The following SEC14L5 variants were observed in gnomAD, a reference collection of about 807,000 sequenced individuals.
SEC14L5 encodes SEC14 like lipid binding 5, also known as SEC14-like protein 5.
SEC14L5 carries 96 observed loss-of-function variants against 84.6 expected under a neutral mutation model. The observed-to-expected ratio is 1.13, with a 90% CI of 0.96 to 1.34. The LOEUF (loss-of-function observed/expected upper bound fraction) is 1.34. SEC14L5 is among the 40% of genes most tolerant of loss of function. The pLI is 0.00. For synonymous variants in SEC14L5, 546 were observed against 383.4 expected, an observed-to-expected ratio of 1.42 and a Z score of -4.95; for missense variants, 1,224 against 942.5, an observed-to-expected ratio of 1.30 and a Z score of -3.91.
At chr16:4,994,491 G>A (rs1004866648) in intron 6 of SEC14L5, among the ~76,000 whole-genome samples, 1 of 152,092 alleles carries the variant, frequency 6.6e-6, no homozygotes, top group African/African-American at 2.4e-5. Context: ...CTACAGGCGT[G>A]CACCATCATT....
intron 12 of SEC14L5, 120 bp from the exon 13 acceptor site, chr16:5,007,232 C>T (rs1320462568): frequency 3.8e-6 from 3 of 785,000 alleles, no homozygotes; most frequent in African/African-American, 3.5e-5. Context: ...AGCCCACAGC[C>T]CATTCAGTAA....
Position 4,996,369 on chromosome 16 carries a change from A to C in SEC14L5, c.689A>C (p.Tyr230Ser), listed in dbSNP as rs1955608587. The C allele has an allele frequency of 6.4e-7, 1 of 1,561,638 alleles. No homozygotes were observed. Among genetic ancestry groups the C allele is most frequent in the Admixed American group, 1.9e-5 (1 of 52,226 alleles). The change falls in exon 7 of 16, where the codon TAC becomes TCC. Residue 230 changes from tyrosine to serine, a missense_variant. Coordinates refer to ENST00000251170, the MANE Select transcript of SEC14L5 (RefSeq NM_014692.2). ...CAAGGGGACAAGCTGGATGCGGACT[A>C]CATTGAGAGGTGCCTGGGCCACCTC... Reference protein sequence around the residue: ...SMDGDKLDADYIERCLGHLTP... With the variant: ...SMDGDKLDADSIERCLGHLTP...
At chr16:4,987,522 C>G (rs80095370) in intron 2 of SEC14L5, 35 bp from the exon 3 acceptor site, 118,994 of 1,498,264 alleles carry the variant, frequency 0.079, 11,622 homozygotes, top group East Asian at 0.52. Flanking sequence ...CTCTGCCCCC[C>G]CCACCACGGC....
intron 11 of SEC14L5, among the ~76,000 whole-genome samples, chr16:5,004,986 C>T (rs923985565): frequency 6.6e-6 from 1 of 152,176 alleles, no homozygotes; most frequent in Non-Finnish European, 1.5e-5. Context: ...ACACGGAAGT[C>T]CATGTACTGT....
At chr16:4,967,646 C>T (rs1394034932) in intron 2 of SEC14L5, among the ~76,000 whole-genome samples, 1 of 127,914 alleles carries the variant, frequency 7.8e-6, no homozygotes, top group Non-Finnish European at 1.6e-5. Context: ...AATCTTGGCT[C>T]ATTGAAACTT....
chr16:4,997,709 C>T (rs1955627119), intron 8 of SEC14L5, among the ~76,000 whole-genome samples: 1 of 152,160 alleles, frequency 6.6e-6, no homozygotes, highest in Non-Finnish European at 1.5e-5. Context: ...TTCTCGAGGC[C>T]AGAAGTCTGG....
At position 5,008,526 on chromosome 16, in the gene SEC14L5, C is replaced by T. The variant is rs374590239; in HGVS notation, c.1678C>T (p.Leu560=). The change falls in exon 14 of 16, where the codon CTG becomes TTG. Residue 560 remains leucine, a synonymous_variant. Transcript: ENST00000251170. ...SLYHTKQAPR[L]GAREPGTRAS... is the part of the protein sequence containing the mutation. ...GTACCACACCAAGCAGGCGCCCAGG[C>T]TGGGCGCCCGGGAACCGGGGACCAG... 4 of 1,609,146 alleles carry T rather than the reference C, an allele frequency of 2.5e-6. No individual in the cohort carries two copies. In the African/African-American group the frequency reaches 4.0e-5, roughly 16 times the overall value.
intron 5 of SEC14L5, 72 bp from the exon 6 acceptor site, chr16:4,991,766 C>A: frequency 9.5e-7 from 1 of 1,056,526 alleles, no homozygotes; most frequent in Non-Finnish European, 1.4e-6. Context: ...GGGGGTGACT[C>A]CCTGTGGTGA....
At chr16:4,981,200 T>G (rs901248449) in intron 2 of SEC14L5, among the ~76,000 whole-genome samples, 2 of 150,650 alleles carry the variant, frequency 1.3e-5, no homozygotes, top group African/African-American at 2.4e-5. Context: ...CACTGCAATC[T>G]CTGCCTCCCT....
intron 8 of SEC14L5, 60 bp from the exon 9 acceptor site, chr16:5,000,595 C>G (rs1955663901): frequency 1.5e-6 from 2 of 1,306,852 alleles, no homozygotes; most frequent in Admixed American, 2.0e-5. Context: ...TGTGACCTGC[C>G]CCTCGGAAGC....
chr16:4,970,410 C>G (rs926464454), intron 2 of SEC14L5, among the ~76,000 whole-genome samples: 1 of 152,134 alleles, frequency 6.6e-6, no homozygotes, highest in African/African-American at 2.4e-5. Context: ...TAATGGGACC[C>G]CAGTGCAAGT....
chr16:4,988,175 C>T lies in SEC14L5; in HGVS notation c.240C>T (p.Phe80=). The T allele has an allele frequency of 6.2e-7, 1 of 1,606,352 alleles. No homozygotes were observed. ...RKIAGVEHVV[F]VQTNILNWKE... ...TCGCAGGTGTTGAGCACGTGGTCTTCGTGCAGACAAACATCTTGAACTGGA... is the reference window on the plus strand; with the variant it reads ...TCGCAGGTGTTGAGCACGTGGTCTTTGTGCAGACAAACATCTTGAACTGGA... Residue 80 remains phenylalanine (F), a synonymous_variant, in exon 4 of 16, where the codon TTC becomes TTT. Transcript: ENST00000251170.
intron 2 of SEC14L5, among the ~76,000 whole-genome samples, chr16:4,962,772 C>G (rs981031260): frequency 1.3e-5 from 2 of 151,974 alleles, no homozygotes; most frequent in Admixed American, 1.3e-4. Context: ...TGCCACAACC[C>G]TGTCATTCTA....
intron 2 of SEC14L5, among the ~76,000 whole-genome samples, chr16:4,980,354 G>A (rs906859689): frequency 1.3e-5 from 2 of 152,008 alleles, no homozygotes; most frequent in African/African-American, 2.4e-5. Context: ...CTTTCCTTTC[G>A]AAGTCAGAGA....
chr16:5,008,470 A>C lies in SEC14L5; in HGVS notation c.1622A>C (p.Asp541Ala), dbSNP rs1955758967. The C allele has an allele frequency of 6.2e-7, 1 of 1,613,456 alleles. No homozygotes were observed. The change falls in exon 14 of 16, where the codon GAC becomes GCC. Residue 541 changes from aspartate to alanine, a missense_variant. Physicochemically the swap from Asp to Ala is moderately radical, Grantham distance 126. Coordinates refer to ENST00000251170, the MANE Select transcript of SEC14L5 (RefSeq NM_014692.2). The part of the protein sequence containing the change: ...EGESVITWDF[D>A]ILRGDVVFSL... ...GAGTCGGTCATCACCTGGGACTTTG[A>C]CATCCTGCGAGGGGACGTGGTGTTC...
chr16:4,988,517 T>C (rs1955520279), intron 4 of SEC14L5, among the ~76,000 whole-genome samples: 1 of 152,262 alleles, frequency 6.6e-6, no homozygotes, highest in African/African-American at 2.4e-5. Context: ...TGTTATTTGT[T>C]GTTTATTTGA....
chr16:4,961,863 T>C (rs772153459), intron 2 of SEC14L5, among the ~76,000 whole-genome samples: 1 of 152,118 alleles, frequency 6.6e-6, no homozygotes, highest in African/African-American at 2.4e-5. Flanking sequence ...TATGAATGAA[T>C]GAACAAGTGC....
intron 11 of SEC14L5, among the ~76,000 whole-genome samples, chr16:5,005,580 G>C (rs1471939269): frequency 6.6e-6 from 1 of 151,888 alleles, no homozygotes; most frequent in Non-Finnish European, 1.5e-5. Context: ...ATACATCCAT[G>C]GTCAGGCGTG....
chr16:5,012,412 CTCA>C (rs1639684091), intron 15 of SEC14L5, among the ~76,000 whole-genome samples: 1 of 152,154 alleles, frequency 6.6e-6, no homozygotes, highest in African/African-American at 2.4e-5. Flanking sequence ...CTCTTGTAGC[CTCA>C]TGAGAAAATC....
Sources: gnomAD v4.1 joint callset for allele counts (sites outside exome capture counted in the v4.1 genomes callset) on GRCh38, gnomAD v4.1.1 for gene constraint, MANE v1.5 for transcripts, NCBI Gene and HGNC (gene_info 2026-07-23, HGNC 2026-07-21) for gene names.